The following GARRE1 variants were observed in gnomAD, a reference collection of about 807,000 sequenced individuals.
GARRE1 encodes granule associated Rac and RHOG effector 1.
In GARRE1, 49 loss-of-function variants were observed where a neutral mutation model predicts 103.2. That is an observed-to-expected ratio of 0.47 (90% confidence interval 0.38 to 0.60). The LOEUF is 0.60. Among genes scored for constraint, GARRE1 ranks in the 20% least tolerant of loss-of-function variants. The probability of loss-of-function intolerance (pLI) is 0.00; values close to 1 mark genes in which losing one functional copy is unlikely to be tolerated. For synonymous variants in GARRE1, 505 were observed against 532.8 expected (o/e 0.95, Z 0.72); for missense variants, 1,199 against 1,370.5 (o/e 0.87, Z 1.98).
chr19:34,257,862 A>T (rs1470110791), intron 1 of GARRE1, among the ~76,000 whole-genome samples: 11 of 147,212 alleles, frequency 7.5e-5, no homozygotes, highest in Non-Finnish European at 1.2e-4. Context: ...TCTCCCATTG[A>T]TTGGCCTTCT....
intron 9 of GARRE1, among the ~76,000 whole-genome samples, chr19:34,340,862 T>C (rs2074182486): frequency 6.6e-6 from 1 of 152,162 alleles, no homozygotes; most frequent in African/African-American, 2.4e-5. Flanking sequence ...GCCAGAATAG[T>C]GAAGTGACTT....
Position 34,333,802 on chromosome 19 carries a change from G to A in GARRE1, c.1361+1G>A, listed in dbSNP as rs781647149. 6.4e-7 allele frequency: 1 copy of A among 1,557,214 alleles called. No homozygotes were observed. Among genetic ancestry groups the A allele is most frequent in the South Asian group, 1.1e-5 (1 of 89,844 alleles). ...TCGTGGTTCAAGTCCCATCCACATG[G>A]TAACGTGCCTCTTACTTTCACCGGA... On this transcript the variant is annotated splice_donor_variant, in intron 8 of 13. Coordinates refer to ENST00000299505, the MANE Select transcript of GARRE1 (RefSeq NM_014686.5). LOFTEE classifies it high-confidence loss of function.
At chr19:34,343,343 G>A (rs1265195027) in intron 10 of GARRE1, among the ~76,000 whole-genome samples, 1 of 151,738 alleles carries the variant, frequency 6.6e-6, no homozygotes, top group Non-Finnish European at 1.5e-5. Context: ...AAGCTGAGGC[G>A]GTAGGATCCC....
intron 4 of GARRE1, 38 bp downstream of exon 4, chr19:34,327,599 A>G (rs1194337203): frequency 6.2e-7 from 1 of 1,607,552 alleles, no homozygotes; most frequent in Non-Finnish European, 8.5e-7. Context: ...TTTCCACGGG[A>G]TAGAAACAAG....
At chr19:34,257,399 G>A (rs573701829) in intron 1 of GARRE1, among the ~76,000 whole-genome samples, 2 of 151,644 alleles carry the variant, frequency 1.3e-5, no homozygotes, top group South Asian at 2.1e-4. Context: ...GTGCAGTGGC[G>A]CAATCTTGGC....
At position 34,348,008 on chromosome 19, in the gene GARRE1, C is replaced by T. The variant is rs759885057; in HGVS notation, c.2653C>T (p.Arg885Trp). 29 of 1,525,010 alleles carry T rather than the reference C, an allele frequency of 1.9e-5. No individual in the cohort carries two copies. Among genetic ancestry groups the T allele is most frequent in the East Asian group, 1.2e-4 (5 of 40,460 alleles). 94.5% of individuals were successfully genotyped at this position (1,525,010 alleles called of 1,614,324 possible). A position where few individuals can be genotyped will look rare whatever the true frequency, so the allele number is the denominator to read the frequency against. Residue 885 changes from arginine (R) to tryptophan (W), a missense_variant, in exon 11 of 14, where the codon CGG becomes TGG. Physicochemically the swap from Arg to Trp is moderately radical, Grantham distance 101. Transcript: ENST00000299505. The part of the protein sequence containing the change: ...GNWPPMDDAH[R>W]TWPFPEFFTE... ...CTGGCCGCCTATGGATGACGCGCAT[C>T]GGACCTGGCCCTTCCCCGAGTTCTT...
chr19:34,263,987 G>A (rs990989095), intron 1 of GARRE1, among the ~76,000 whole-genome samples: 57 of 152,048 alleles, frequency 3.7e-4, no homozygotes, highest in African/African-American at 1.4e-3. Flanking sequence ...GTTGTAGTGA[G>A]GCATTACTGA....
intron 2 of GARRE1, among the ~76,000 whole-genome samples, chr19:34,302,366 C>T (rs2073984644): frequency 7.3e-6 from 1 of 137,296 alleles, no homozygotes; most frequent in Non-Finnish European, 1.5e-5. Context: ...ACGATCTCAG[C>T]TTACTGCAAC....
At chr19:34,271,051 G>A (rs2073784169) in intron 1 of GARRE1, among the ~76,000 whole-genome samples, 1 of 152,126 alleles carries the variant, frequency 6.6e-6, no homozygotes, top group South Asian at 2.1e-4. Flanking sequence ...GAGAACCACT[G>A]TGTTAAAGAA....
chr19:34,325,609 C>G lies in GARRE1; in HGVS notation c.706-1812C>G, dbSNP rs145265038. Among the ~76,000 whole-genome samples the G allele has an allele frequency of 2.0e-5, 3 of 152,338 alleles. No individual in the cohort carries two copies. The East Asian group carries it at 5.8e-4, about 29-fold the overall frequency. The stretch of plus-strand genomic sequence containing the variant: ...CACGTCCTTCATCGCTACCCTTGTT[C>G]AGGGAATCGTTACTTCTCCCCTCCC... On this transcript the variant is annotated intron_variant, in intron 3 of 13. Transcript: ENST00000299505.
chr19:34,334,971 A>C (rs1341897132), intron 8 of GARRE1, among the ~76,000 whole-genome samples: 1 of 151,930 alleles, frequency 6.6e-6, no homozygotes, highest in African/African-American at 2.4e-5. Context: ...TGAGCCTGGG[A>C]GACAGAGGTT....
intron 10 of GARRE1, among the ~76,000 whole-genome samples, chr19:34,343,889 C>A (rs2074198480): frequency 6.6e-6 from 1 of 152,110 alleles, no homozygotes; most frequent in African/African-American, 2.4e-5. Context: ...AGACTATCTA[C>A]TAAAAGCTAA....
intron 1 of GARRE1, among the ~76,000 whole-genome samples, chr19:34,268,269 T>C (rs1275664804): frequency 6.6e-6 from 1 of 152,178 alleles, no homozygotes; most frequent in Middle Eastern, 3.2e-3. Context: ...CTGAACAAAC[T>C]TTTTCGGAAG....
intron 1 of GARRE1, among the ~76,000 whole-genome samples, chr19:34,286,059 C>T (rs548817062): frequency 3.9e-5 from 6 of 152,216 alleles, no homozygotes; most frequent in Non-Finnish European, 7.4e-5. Flanking sequence ...TGGCCAGGCA[C>T]AGTGGCACAC....
intron 1 of GARRE1, among the ~76,000 whole-genome samples, chr19:34,257,952 C>T (rs1199222695): frequency 3.4e-5 from 5 of 148,150 alleles, no homozygotes; most frequent in South Asian, 4.2e-4. Flanking sequence ...TGCAGTGGCT[C>T]GGTCTCAGCT....
At position 34,255,369 on chromosome 19, in the gene GARRE1, C is replaced by T. The variant is rs570761132; in HGVS notation, c.-796+755C>T. 2.6e-5 allele frequency among the ~76,000 whole-genome samples: 4 copies of T among 152,284 alleles called. No individual in the cohort carries two copies. The South Asian group carries it at 8.3e-4, about 32-fold the overall frequency. On this transcript the variant is annotated intron_variant, in intron 1 of 13. Transcript: ENST00000299505. Reference sequence around the variant, plus strand: ...TTTTCCAGAGACTCAGCTTTGGGGGCCTCCAGTTTGAAAATACCTTGTTCT... The same window carrying T: ...TTTTCCAGAGACTCAGCTTTGGGGGTCTCCAGTTTGAAAATACCTTGTTCT...
In GARRE1 at chr19:34,254,612, C is replaced by T. The variant is rs1446812990; in HGVS notation, c.-798C>T. 7.0e-6 allele frequency: 1 copy of T among 142,482 alleles called. No individual in the cohort carries two copies. The highest frequency in any genetic ancestry group is 1.5e-5 in the Non-Finnish European group (1 of 64,880). The allele number at this position is 142,482 out of a possible 1,614,324, so 8.8% of individuals were successfully genotyped here. ...GTGCGCTGGGGGCCGGGGCGCGTCGCAGGTGAGGAGCGGGCGCGGCGGGCG... is the reference window on the plus strand; with the variant it reads ...GTGCGCTGGGGGCCGGGGCGCGTCGTAGGTGAGGAGCGGGCGCGGCGGGCG... On this transcript the variant is annotated splice_region_variant and 5_prime_UTR_variant, in exon 1 of 14. Transcript: ENST00000299505.
At chr19:34,308,974 C>T (rs2074024373) in intron 2 of GARRE1, among the ~76,000 whole-genome samples, 1 of 151,930 alleles carries the variant, frequency 6.6e-6, no homozygotes, top group Non-Finnish European at 1.5e-5. Context: ...ATTGATCAGC[C>T]TTAGTGTCAT....
intron 2 of GARRE1, among the ~76,000 whole-genome samples, chr19:34,305,327 C>T (rs1427820321): frequency 6.6e-6 from 1 of 152,122 alleles, no homozygotes; most frequent in Non-Finnish European, 1.5e-5. Flanking sequence ...TGTTCATCCA[C>T]CATTGTGCCT....
Sources: allele counts gnomAD v4.1 joint callset (sites outside exome capture counted in the v4.1 genomes callset), GRCh38; gene constraint gnomAD v4.1.1; transcripts MANE v1.5; gene names NCBI Gene and HGNC (gene_info 2026-07-23, HGNC 2026-07-21).